The following MLIP variants were observed in gnomAD, a reference collection of about 807,000 sequenced individuals.
MLIP encodes muscular LMNA-interacting protein.
A neutral mutation model predicts 84.8 loss-of-function variants in MLIP; 79 were observed. The observed-to-expected ratio is 0.93, with a 90% CI of 0.78 to 1.12. The LOEUF (loss-of-function observed/expected upper bound fraction) is 1.12, where lower values mean the gene tolerates loss of function less well. Ranked by LOEUF, MLIP falls within the 50% of genes most tolerant of loss-of-function variation. The probability of loss-of-function intolerance (pLI) is 0.00; values close to 1 mark genes in which losing one functional copy is unlikely to be tolerated. For synonymous variants in MLIP, 504 were observed against 463.0 expected, an observed-to-expected ratio of 1.09 and a Z score of -1.14; for missense variants, 1,257 against 1,160.6, an observed-to-expected ratio of 1.08 and a Z score of -1.21.
chr6:54,257,718 T>C (rs963319532), intron 13 of MLIP, among the ~76,000 whole-genome samples: 2 of 152,040 alleles, frequency 1.3e-5, no homozygotes, highest in African/African-American at 4.8e-5. Flanking sequence ...ATGGTGTGTT[T>C]TCAGGGTCAG....
chr6:54,085,059 G>A (rs2150362576), intron 1 of MLIP, among the ~76,000 whole-genome samples: 1 of 152,268 alleles, frequency 6.6e-6, no homozygotes, highest in Admixed American at 6.5e-5. Flanking sequence ...TTTTTCACTA[G>A]GAATTGCATC....
At chr6:54,188,987 C>T (rs1777663404) in intron 9 of MLIP, among the ~76,000 whole-genome samples, 1 of 152,178 alleles carries the variant, frequency 6.6e-6, no homozygotes, top group Non-Finnish European at 1.5e-5. Context: ...TGGAATTCTG[C>T]GTCCAGTTGG....
At chr6:54,027,373 ATACACACACAC>A (rs1384973319) in intron 1 of MLIP, among the ~76,000 whole-genome samples, 1 of 77,168 alleles carries the variant, frequency 1.3e-5, no homozygotes, top group Non-Finnish European at 2.7e-5. Context: ...AATAAAAAAA[ATACACACACAC>A]ACACACACAC....
chr6:54,261,158 T>C (rs1028313969), intron 13 of MLIP, among the ~76,000 whole-genome samples: 5 of 152,020 alleles, frequency 3.3e-5, no homozygotes, highest in Non-Finnish European at 7.4e-5. Context: ...TAAATTCTAG[T>C]AGTGACAATT....
intron 1 of MLIP, among the ~76,000 whole-genome samples, chr6:54,097,852 G>T (rs774228820): frequency 6.6e-6 from 1 of 152,086 alleles, no homozygotes; most frequent in Non-Finnish European, 1.5e-5. Flanking sequence ...ATTGACCAAG[G>T]TCACACAAAC....
intron 12 of MLIP, among the ~76,000 whole-genome samples, chr6:54,238,759 C>A (rs965389449): frequency 6.6e-6 from 1 of 152,150 alleles, no homozygotes; most frequent in South Asian, 2.1e-4. Flanking sequence ...GGCAGAGAGA[C>A]AGCTTTAAAG....
chr6:54,190,796 CTT>C (rs1234496431), intron 10 of MLIP, among the ~76,000 whole-genome samples: 14 of 133,666 alleles, frequency 1.0e-4, no homozygotes, highest in African/African-American at 8.2e-5. Flanking sequence ...CAAAGATTTT[CTT>C]TTTTTTTTTT....
chr6:54,020,417 A>G (rs963935956), intron 1 of MLIP, among the ~76,000 whole-genome samples: 4 of 152,222 alleles, frequency 2.6e-5, no homozygotes, highest in Admixed American at 2.0e-4. Context: ...GGAAACCCAG[A>G]TATGGTAAGC....
intron 11 of MLIP, among the ~76,000 whole-genome samples, chr6:54,208,859 C>T (rs949194045): frequency 4.6e-5 from 7 of 152,170 alleles, no homozygotes; most frequent in Non-Finnish European, 1.0e-4. Context: ...TCCCTCCCTC[C>T]CTACACAGTT....
chr6:54,154,151 T>G (rs11969948), intron 5 of MLIP, among the ~76,000 whole-genome samples: 10,784 of 152,216 alleles, frequency 0.071, 551 homozygotes, highest in East Asian at 0.23. Context: ...ATATACTATA[T>G]TCTTTACTAA....
intron 1 of MLIP, among the ~76,000 whole-genome samples, chr6:54,096,788 C>A (rs1554147795): frequency 6.6e-6 from 1 of 152,140 alleles, no homozygotes; most frequent in Non-Finnish European, 1.5e-5. Flanking sequence ...CTGCAACATC[C>A]AGTTATTAAT....
intron 4 of MLIP, among the ~76,000 whole-genome samples, chr6:54,142,932 T>C (rs1044641531): frequency 6.6e-6 from 1 of 152,020 alleles, no homozygotes; most frequent in East Asian, 1.9e-4. Context: ...AAAAAAACGC[T>C]GAAACTAGCC....
intron 8 of MLIP, among the ~76,000 whole-genome samples, chr6:54,162,191 T>C (rs1274233050): frequency 6.6e-6 from 1 of 151,908 alleles, no homozygotes; most frequent in Non-Finnish European, 1.5e-5. Flanking sequence ...AATGTAGTGA[T>C]CAAGGGGTAG....
At chr6:54,147,818 C>G (rs983929374) in intron 4 of MLIP, among the ~76,000 whole-genome samples, 1 of 152,094 alleles carries the variant, frequency 6.6e-6, no homozygotes, top group South Asian at 2.1e-4. Context: ...GTGTGACTTT[C>G]TATGACACTT....
chr6:54,246,116 G>C (rs981490149), intron 12 of MLIP, among the ~76,000 whole-genome samples: 1 of 152,050 alleles, frequency 6.6e-6, no homozygotes, highest in African/African-American at 2.4e-5. Flanking sequence ...GAATCAAATG[G>C]AAATCTCTTT....
chr6:54,039,091 A>G (rs2150298097), intron 1 of MLIP, among the ~76,000 whole-genome samples: 1 of 152,004 alleles, frequency 6.6e-6, no homozygotes, highest in Non-Finnish European at 1.5e-5. Context: ...CATCCTTTTG[A>G]TTTTTGAACA....
chr6:54,025,481 T>C (rs541063926), intron 1 of MLIP, among the ~76,000 whole-genome samples: 1 of 152,226 alleles, frequency 6.6e-6, no homozygotes, highest in African/African-American at 2.4e-5. Flanking sequence ...GTTGCATTCA[T>C]TCTTAATAAA....
chr6:54,117,407 G>T (rs187698791), intron 1 of MLIP, among the ~76,000 whole-genome samples: 152 of 150,816 alleles, frequency 1.0e-3, no homozygotes, highest in Non-Finnish European at 1.6e-3. Context: ...GTAGAGAAGG[G>T]GTTTCACTGT....
chr6:54,230,820 A>G lies in MLIP; in HGVS notation c.2825A>G (p.Asp942Gly). 1 of 1,614,006 alleles carries G rather than the reference A, an allele frequency of 6.2e-7. No individual in the cohort carries two copies. The highest frequency in any genetic ancestry group is 8.5e-7 in the Non-Finnish European group (1 of 1,179,992). The change falls in exon 12 of 14, where the codon GAC becomes GGC. Residue 942 changes from aspartate (D) to glycine (G), a missense_variant. Transcript: ENST00000502396. ...LLHPQTLSHA[D>G]CLAPGPFSHL... is the part of the protein sequence containing the mutation. ...CATCCACAGACCCTCTCACATGCTG[A>G]CTGTCTTGCCCCAGGACCCTTCAGT...
Sources: allele counts gnomAD v4.1 joint callset (sites outside exome capture counted in the v4.1 genomes callset), GRCh38; gene constraint gnomAD v4.1.1; transcripts MANE v1.5; gene names NCBI Gene and HGNC (gene_info 2026-07-23, HGNC 2026-07-21).